The following ZNF713 variants were observed in gnomAD, a reference collection of about 807,000 sequenced individuals.
ZNF713 encodes the protein zinc finger protein 713.
A neutral mutation model predicts 28.7 loss-of-function variants in ZNF713; 21 were observed. That is an observed-to-expected ratio of 0.73 (90% confidence interval 0.52 to 1.05). The LOEUF is 1.05. Among genes scored for constraint, ZNF713 ranks in the 50% least tolerant of loss-of-function variants. The pLI, the probability that ZNF713 is intolerant of heterozygous loss-of-function variation, is 0.00. For synonymous variants in ZNF713, 167 were observed against 178.0 expected (o/e 0.94, Z 0.49); for missense variants, 458 against 532.4 (o/e 0.86, Z 1.37).
intron 4 of ZNF713, chr7:55,918,081 G>A (rs1378743187): frequency 2.2e-6 from 1 of 456,632 alleles, no homozygotes; most frequent in Non-Finnish European, 4.4e-6. Flanking sequence ...TCTCGGCAAG[G>A]CTGTGACTGG....
At chr7:55,917,905 T>TG (rs1785915548) in intron 4 of ZNF713, 2 of 347,150 alleles carry the variant, frequency 5.8e-6, no homozygotes, top group Non-Finnish European at 1.2e-5. Flanking sequence ...CATATTCTGT[T>TG]GGCAAAGCTG....
At position 55,940,209 on chromosome 7, in the gene ZNF713, GCC is replaced by G. The variant is rs1243741095; in HGVS notation, c.*204_*205del. The stretch of plus-strand genomic sequence containing the variant: ...ACAATCTTGGCTCACTGCAACCTCT[GCC>G]ACCTGGGTTCAAGCGATTCTCCTGC... On this transcript the variant is annotated 3_prime_UTR_variant, in exon 7 of 7. Coordinates refer to ENST00000429591, the MANE Select transcript of ZNF713 (RefSeq NM_182633.3). 4 of 909,754 alleles carry G rather than the reference GCC, an allele frequency of 4.4e-6. No individual in the cohort carries two copies. Among genetic ancestry groups the G allele is most frequent in the Non-Finnish European group, 6.0e-6 (4 of 666,438 alleles). The allele number at this position is 909,754 out of a possible 1,614,324, so 56.4% of individuals were successfully genotyped here.
intron 6 of ZNF713, among the ~76,000 whole-genome samples, chr7:55,936,786 C>T (rs546077656): frequency 1.8e-4 from 27 of 152,112 alleles, no homozygotes; most frequent in African/African-American, 5.1e-4. Context: ...AAGTAGGATG[C>T]GTGCCCAAAG....
chr7:55,895,492 G>A (rs188005861), intron 1 of ZNF713, among the ~76,000 whole-genome samples: 3 of 81,112 alleles, frequency 3.7e-5, no homozygotes, highest in Non-Finnish European at 7.3e-5. Flanking sequence ...TTTTGAGACA[G>A]AGTTTCACTC....
intron 4 of ZNF713, among the ~76,000 whole-genome samples, chr7:55,921,241 C>T (rs1457339284): frequency 2.0e-5 from 3 of 152,148 alleles, no homozygotes; most frequent in African/African-American, 7.2e-5. Flanking sequence ...CACCTGGTTA[C>T]CCAGGAGCTC....
At chr7:55,898,216 A>G (rs1785508889) in intron 1 of ZNF713, among the ~76,000 whole-genome samples, 1 of 152,270 alleles carries the variant, frequency 6.6e-6, no homozygotes, top group Non-Finnish European at 1.5e-5. Flanking sequence ...CAAATGCAAA[A>G]GTAAACAAAT....
At chr7:55,899,926 T>TA (rs1280912942) in intron 1 of ZNF713, among the ~76,000 whole-genome samples, 2 of 151,754 alleles carry the variant, frequency 1.3e-5, no homozygotes, top group African/African-American at 4.8e-5. Flanking sequence ...GTATGTATAA[T>TA]AGAGACAGGG....
intron 1 of ZNF713, among the ~76,000 whole-genome samples, chr7:55,891,281 T>C (rs1785375892): frequency 6.6e-6 from 1 of 152,146 alleles, no homozygotes; most frequent in Admixed American, 6.6e-5. Context: ...ATAGAAGAAT[T>C]GTGTCTCCAT....
chr7:55,892,290 A>C (rs1341920091), intron 1 of ZNF713, among the ~76,000 whole-genome samples: 1 of 108,840 alleles, frequency 9.2e-6, no homozygotes, highest in Non-Finnish European at 2.2e-5. Flanking sequence ...AAAAAAAAAA[A>C]AAAAAAAAAA....
At chr7:55,905,195 G>GA (rs1240958267) in intron 1 of ZNF713, among the ~76,000 whole-genome samples, 1 of 152,170 alleles carries the variant, frequency 6.6e-6, no homozygotes, top group Admixed American at 6.6e-5. Flanking sequence ...AGAAGTCAAG[G>GA]AAATGAAAGG....
chr7:55,916,986 G>A (rs185740785), intron 4 of ZNF713, among the ~76,000 whole-genome samples: 83 of 151,518 alleles, frequency 5.5e-4, no homozygotes, highest in African/African-American at 1.9e-3. Flanking sequence ...AGGCCTAGGT[G>A]GGCAGATCAC....
chr7:55,905,268 T>C (rs983762963), intron 1 of ZNF713, among the ~76,000 whole-genome samples: 4 of 152,180 alleles, frequency 2.6e-5, no homozygotes, highest in African/African-American at 4.8e-5. Flanking sequence ...TTAAAAAATA[T>C]GTAGATGGCA....
At chr7:55,919,495 T>TTTTGTTTTTTTTTTGTTTTTTTTTTG (rs1449866890) in intron 4 of ZNF713, among the ~76,000 whole-genome samples, 62 of 27,452 alleles carry the variant, frequency 2.3e-3, no homozygotes, top group South Asian at 3.5e-3. Flanking sequence ...CTCCAGTTTT[T>TTTTGTTTTTTTTTTGTTTTTTTTTTG]TTTTTTTTTT....
intron 1 of ZNF713, among the ~76,000 whole-genome samples, chr7:55,893,039 C>T (rs1336311424): frequency 2.6e-5 from 4 of 151,928 alleles, no homozygotes; most frequent in South Asian, 4.2e-4. Flanking sequence ...GCCGCCACCA[C>T]GCCCGGCTAA....
chr7:55,939,094 C>T lies in ZNF713; in HGVS notation c.420C>T (p.Tyr140=). ...GACTCGCAGGAGACAGCTTCTGGTA[C>T]TCCATCCTAGGAGGACTCTGGGATT... The part of the protein sequence containing the change: ...MERLAGDSFW[Y]SILGGLWDFD... The change falls in exon 7 of 7, where the codon TAC becomes TAT. Residue 140 remains tyrosine, a synonymous_variant. Coordinates refer to ENST00000429591, the MANE Select transcript of ZNF713 (RefSeq NM_182633.3). The T allele has an allele frequency of 6.2e-7, 1 of 1,614,072 alleles. No homozygotes were observed. Among genetic ancestry groups the T allele is most frequent in the South Asian group, 1.1e-5 (1 of 91,074 alleles).
chr7:55,919,516 T>TTTGTTTTTTTTTG (rs1785950889), intron 4 of ZNF713, among the ~76,000 whole-genome samples: 2 of 99,404 alleles, frequency 2.0e-5, no homozygotes, highest in East Asian at 3.2e-4. Flanking sequence ...TTTTTTTTTT[T>TTTGTTTTTTTTTG]TTTTTTTGAG....
intron 1 of ZNF713, among the ~76,000 whole-genome samples, chr7:55,890,829 G>C (rs1785367782): frequency 6.6e-6 from 1 of 151,958 alleles, no homozygotes; most frequent in African/African-American, 2.4e-5. Flanking sequence ...AGACCAGCCT[G>C]GGCAACATGG....
chr7:55,935,916 C>T (rs1413586403), intron 6 of ZNF713, among the ~76,000 whole-genome samples: 9 of 151,792 alleles, frequency 5.9e-5, no homozygotes, highest in African/African-American at 1.7e-4. Context: ...GATCACGCCA[C>T]GGCACTCCAG....
intron 2 of ZNF713, among the ~76,000 whole-genome samples, chr7:55,908,398 C>T (rs1345200061): frequency 6.6e-6 from 1 of 152,082 alleles, no homozygotes. Flanking sequence ...GCCTTGGCCT[C>T]CCAAAGTGCT....
Sources: gnomAD v4.1 joint callset for allele counts (sites outside exome capture counted in the v4.1 genomes callset) on GRCh38, gnomAD v4.1.1 for gene constraint, MANE v1.5 for transcripts, NCBI Gene and HGNC (gene_info 2026-07-23, HGNC 2026-07-21) for gene names.